The following FHL2 variants were observed in gnomAD, a reference collection of about 807,000 sequenced individuals.
FHL2 encodes the protein four and a half LIM domains protein 2.
Under a neutral mutation model 32.7 loss-of-function variants are expected in FHL2, and 20 were observed. The ratio of observed to expected loss-of-function variants is 0.61; its 90% CI spans 0.43 to 0.89. FHL2 has a LOEUF of 0.89. FHL2 is among the 40% of genes least tolerant of loss of function. The pLI is 0.00. For missense variants in FHL2, 311 were observed against 358.6 expected, an observed-to-expected ratio of 0.87 and a Z score of 1.07; for synonymous variants, 123 against 128.1, an observed-to-expected ratio of 0.96 and a Z score of 0.27.
rs564261678 is a variant in FHL2 at position 105,389,888 on chromosome 2, T to C, written c.-24-3348A>G. On this transcript the variant is annotated intron_variant, in intron 2 of 6. Coordinates refer to ENST00000530340, the MANE Select transcript of FHL2 (RefSeq NM_001318895.3). ...GGTGCTCATATACCTGATATGTGTT[T>C]TCCACTTCCTCTGATTCTACAGGAC... 2.0e-5 allele frequency: 3 copies of C among 152,290 alleles called. No individual in the cohort carries two copies. The East Asian group carries it at 5.8e-4, about 29-fold the overall frequency. 9.4% of individuals were successfully genotyped at this position (152,290 alleles called of 1,614,324 possible).
intron 2 of FHL2, among the ~76,000 whole-genome samples, chr2:105,388,174 TG>T (rs1168040135): frequency 6.6e-6 from 1 of 152,108 alleles, no homozygotes; most frequent in African/African-American, 2.4e-5. Flanking sequence ...GCTTAATACC[TG>T]GGTGATGAAA....
intron 1 of FHL2, among the ~76,000 whole-genome samples, chr2:105,411,004 A>T (rs919940997): frequency 1.3e-5 from 2 of 152,210 alleles, no homozygotes; most frequent in Non-Finnish European, 2.9e-5. Context: ...CATCCTTTAC[A>T]AAATGTCCAC....
At chr2:105,422,379 G>A (rs1202971768) in intron 1 of FHL2, among the ~76,000 whole-genome samples, 1 of 152,168 alleles carries the variant, frequency 6.6e-6, no homozygotes, top group Admixed American at 6.5e-5. Flanking sequence ...TATGTGGATG[G>A]ATCCTTGGTG....
intron 2 of FHL2, among the ~76,000 whole-genome samples, chr2:105,386,756 C>CA (rs751010771): frequency 2.0e-5 from 1 of 48,924 alleles, no homozygotes; most frequent in Admixed American, 2.7e-4. Flanking sequence ...ATGCATTCCA[C>CA]TTTTTTTTTT....
chr2:105,395,521 A>T (rs2104621636), intron 2 of FHL2, among the ~76,000 whole-genome samples: 1 of 152,172 alleles, frequency 6.6e-6, no homozygotes, highest in South Asian at 2.1e-4. Flanking sequence ...TCCATGAATG[A>T]CTGGCCACCT....
intron 1 of FHL2, among the ~76,000 whole-genome samples, chr2:105,431,276 TAG>T (rs1684423683): frequency 6.6e-6 from 1 of 152,154 alleles, no homozygotes; most frequent in South Asian, 2.1e-4. Context: ...GTGAACAAAA[TAG>T]AGTCTCTGCA....
At chr2:105,381,592 G>A (rs546437884) in intron 3 of FHL2, among the ~76,000 whole-genome samples, 11 of 152,232 alleles carry the variant, frequency 7.2e-5, no homozygotes, top group Non-Finnish European at 1.5e-4. Context: ...GGCCAAGTTC[G>A]TGCACTGACA....
chr2:105,398,996 G>T lies in FHL2; in HGVS notation c.-230C>A. The T allele has an allele frequency of 3.3e-6, 5 of 1,499,914 alleles. No individual in the cohort carries two copies. Among genetic ancestry groups the T allele is most frequent in the Non-Finnish European group, 4.4e-6 (5 of 1,127,628 alleles). The allele number at this position is 1,499,914 out of a possible 1,614,324, so 92.9% of individuals were successfully genotyped here. A position where few individuals can be genotyped will look rare whatever the true frequency, so the allele number is the denominator to read the frequency against. On this transcript the variant is annotated 5_prime_UTR_variant, in exon 1 of 7. Transcript: ENST00000530340. ...GCACCGCAGCGGGCCGGGGACTCCC[G>T]GACGGGGCTGGAGGGCGCGGGCGGC...
intron 4 of FHL2, among the ~76,000 whole-genome samples, chr2:105,372,847 G>A (rs148499350): frequency 0.011 from 1,647 of 152,172 alleles, 13 homozygotes; most frequent in Middle Eastern, 0.021. Flanking sequence ...ATAAGCCACC[G>A]CACCCAGCTT....
chr2:105,386,756 CTTTT>C (rs11380471), intron 2 of FHL2, among the ~76,000 whole-genome samples: 1 of 48,962 alleles, frequency 2.0e-5, no homozygotes, highest in Non-Finnish European at 3.6e-5. Context: ...ATGCATTCCA[CTTTT>C]TTTTTTTTTT....
chr2:105,430,283 C>G (rs1247616038), intron 1 of FHL2, among the ~76,000 whole-genome samples: 1 of 152,192 alleles, frequency 6.6e-6, no homozygotes, highest in Admixed American at 6.5e-5. Context: ...GAAGCAAAGT[C>G]TCTGTCTGAT....
At chr2:105,426,267 A>C (rs1237430937) in intron 1 of FHL2, among the ~76,000 whole-genome samples, 1 of 152,178 alleles carries the variant, frequency 6.6e-6, no homozygotes, top group Admixed American at 6.5e-5. Flanking sequence ...GGCAATGTGC[A>C]TTCTGTCTTA....
At chr2:105,405,635 G>A (rs929806688) in intron 1 of FHL2, among the ~76,000 whole-genome samples, 1 of 152,204 alleles carries the variant, frequency 6.6e-6, no homozygotes, top group Non-Finnish European at 1.5e-5. Context: ...AACTTTATGA[G>A]TCAACATTAA....
At chr2:105,431,686 G>A (rs1161230463) in intron 1 of FHL2, among the ~76,000 whole-genome samples, 1 of 152,214 alleles carries the variant, frequency 6.6e-6, no homozygotes, top group African/African-American at 2.4e-5. Flanking sequence ...GACTTGGGAA[G>A]CCATTGGAAC....
At chr2:105,376,873 G>A (rs899689800) in intron 3 of FHL2, 1 of 152,238 alleles carries the variant, frequency 6.6e-6, no homozygotes, top group Non-Finnish European at 1.5e-5. Flanking sequence ...CAGCATGGAT[G>A]AATCTTGAGG....
In FHL2 at chr2:105,363,282, C is replaced by T; in HGVS notation, c.688+3G>A. On this transcript the variant is annotated splice_donor_region_variant and intron_variant, in intron 6 of 6. Transcript: ENST00000530340. Reference sequence around the variant, plus strand: ...CTGGAAATGGGAACCCCGGGACACTCACCGCTGATGGGGTTGGTGCACCCA... The same window carrying T: ...CTGGAAATGGGAACCCCGGGACACTTACCGCTGATGGGGTTGGTGCACCCA... The T allele has an allele frequency of 6.2e-7, 1 of 1,613,732 alleles. No homozygotes were observed. The highest frequency in any genetic ancestry group is 8.5e-7 in the Non-Finnish European group (1 of 1,179,708).
intron 5 of FHL2, among the ~76,000 whole-genome samples, chr2:105,364,288 TG>T (rs977290197): frequency 2.6e-5 from 4 of 151,838 alleles, no homozygotes; most frequent in African/African-American, 9.7e-5. Context: ...ACAAAAACCC[TG>T]GCAAGTGGTA....
At chr2:105,430,815 A>C (rs1684410608) in intron 1 of FHL2, among the ~76,000 whole-genome samples, 1 of 152,226 alleles carries the variant, frequency 6.6e-6, no homozygotes, top group Non-Finnish European at 1.5e-5. Context: ...GGGAGAAAAG[A>C]CTGCCCCATA....
chr2:105,361,189 C>A lies in FHL2; in HGVS notation c.*94G>T. ...GCACTAGAAGAAAGTCTCAATGTGG[C>A]TGGAAGAAACCAGAAGGCAAGATTG... is the stretch of plus-strand genomic sequence containing the variant. On this transcript the variant is annotated 3_prime_UTR_variant, in exon 7 of 7. Transcript: ENST00000530340. 7.5e-7 allele frequency: 1 copy of A among 1,330,008 alleles called. No homozygotes were observed. Among genetic ancestry groups the A allele is most frequent in the Non-Finnish European group, 1.0e-6 (1 of 953,352 alleles). The allele number at this position is 1,330,008 out of a possible 1,614,324, so 82.4% of individuals were successfully genotyped here. A position where few individuals can be genotyped will look rare whatever the true frequency, so the allele number is the denominator to read the frequency against.
Sources: gnomAD v4.1 joint callset for allele counts (sites outside exome capture counted in the v4.1 genomes callset) on GRCh38, gnomAD v4.1.1 for gene constraint, MANE v1.5 for transcripts, NCBI Gene and HGNC (gene_info 2026-07-23, HGNC 2026-07-21) for gene names.